Variants in ARHGAP39 observed in about 807,000 individuals in gnomAD.
ARHGAP39 encodes the protein rho GTPase-activating protein 39.
ARHGAP39 carries 44 observed loss-of-function variants against 106.9 expected under a neutral mutation model. That is an observed-to-expected ratio of 0.41 (90% CI 0.32 to 0.53). ARHGAP39 has a LOEUF of 0.53. Among genes scored for constraint, ARHGAP39 ranks in the 20% least tolerant of loss-of-function variants. The pLI, the probability that ARHGAP39 is intolerant of heterozygous loss-of-function variation, is 0.21. For synonymous variants in ARHGAP39, 768 were observed against 693.2 expected, an observed-to-expected ratio of 1.11 and a Z score of -1.69; for missense variants, 1,496 against 1,577.3, an observed-to-expected ratio of 0.95 and a Z score of 0.87.
intron 3 of ARHGAP39, among the ~76,000 whole-genome samples, chr8:144,561,802 CA>C (rs1818178795): frequency 7.5e-6 from 1 of 133,374 alleles, no homozygotes; most frequent in African/African-American, 3.4e-5. Flanking sequence ...CATCGGACCC[CA>C]GTGCTTTCCA....
intron 2 of ARHGAP39, among the ~76,000 whole-genome samples, chr8:144,602,704 GGA>G (rs761088920): frequency 2.9e-5 from 4 of 139,314 alleles, no homozygotes; most frequent in African/African-American, 5.7e-5. Flanking sequence ...GCATGTGCGT[GGA>G]GTTGTGTGCG....
intron 2 of ARHGAP39, among the ~76,000 whole-genome samples, chr8:144,603,615 G>C (rs545986632): frequency 6.6e-6 from 1 of 151,454 alleles, no homozygotes; most frequent in African/African-American, 2.4e-5. Flanking sequence ...GCTTCAACCC[G>C]GGAGGCGGAG....
Position 144,533,072 on chromosome 8 carries a change from T to C in ARHGAP39, c.2888+54A>G, listed in dbSNP as rs368097308. ...ATGGCCCCTGCATGCCACAGATGCA[T>C]GGTGGACACATGGCTGTGGCCCCCA... is the stretch of plus-strand genomic sequence containing the variant. On this transcript the variant is annotated intron_variant, in intron 9 of 11. Coordinates refer to ENST00000377307, the MANE Select transcript of ARHGAP39 (RefSeq NM_025251.3). 33 of 1,568,644 alleles carry C rather than the reference T, an allele frequency of 2.1e-5. No homozygotes were observed. In the East Asian group the frequency reaches 6.5e-4, roughly 31 times the overall value.
intron 4 of ARHGAP39, among the ~76,000 whole-genome samples, chr8:144,549,298 C>A (rs1817607142): frequency 6.6e-6 from 1 of 152,264 alleles, no homozygotes; most frequent in Admixed American, 6.5e-5. Context: ...CAGGACGCTG[C>A]CAGGGAGAGA....
At chr8:144,606,820 AT>A (rs1820309802) in intron 1 of ARHGAP39, among the ~76,000 whole-genome samples, 1 of 152,196 alleles carries the variant, frequency 6.6e-6, no homozygotes, top group South Asian at 2.1e-4. Context: ...GTAGGTCTAA[AT>A]GTTAAAAGTA....
chr8:144,611,238 A>G (rs1387389384), intron 1 of ARHGAP39, among the ~76,000 whole-genome samples: 1 of 152,242 alleles, frequency 6.6e-6, no homozygotes, highest in Non-Finnish European at 1.5e-5. Context: ...CTCAGAGAAC[A>G]TAATTTATAT....
intron 2 of ARHGAP39, among the ~76,000 whole-genome samples, chr8:144,584,707 C>T (rs1819117677): frequency 6.6e-6 from 1 of 152,154 alleles, no homozygotes. Flanking sequence ...AGGTTGCAGG[C>T]AGCTGAGATC....
chr8:144,580,880 C>G lies in ARHGAP39; in HGVS notation c.478G>C (p.Ala160Pro). Residue 160 changes from alanine (A) to proline (P), a missense_variant, in exon 3 of 12, where the codon GCG (alanine) becomes CCG (proline). Ala to Pro is a conservative substitution (Grantham distance 27). Coordinates refer to ENST00000377307, the MANE Select transcript of ARHGAP39 (RefSeq NM_025251.3). ...QELPARAGRP[A>P]AFGTVKEDSG... ...TCCTCCTTCACTGTCCCAAACGCCG[C>G]GGGCCGCCCGGCCCTCGCTGGCAAC... 1 of 1,585,400 alleles carries G rather than the reference C, an allele frequency of 6.3e-7. No homozygotes were observed. Among genetic ancestry groups the G allele is most frequent in the Non-Finnish European group, 8.5e-7 (1 of 1,171,686 alleles).
chr8:144,585,442 C>A lies in ARHGAP39; in HGVS notation c.81-4165G>T, dbSNP rs1819146011. ...CCAGGGGTACCCAGCACCGGCTCAC[C>A]GAGAACCTGGAGGGGCCAGCCAAGG... On this transcript the variant is annotated intron_variant, in intron 2 of 11. Transcript: ENST00000377307. The surrounding 1 kb of genome is among the most constrained non-coding windows in gnomAD (Gnocchi z 4.6). Among the ~76,000 whole-genome samples, 1 of 151,458 alleles carries A rather than the reference C, an allele frequency of 6.6e-6. No homozygotes were observed. Among genetic ancestry groups the A allele is most frequent in the African/African-American group, 2.4e-5 (1 of 41,214 alleles).
intron 1 of ARHGAP39, among the ~76,000 whole-genome samples, chr8:144,639,136 G>C (rs1331411868): frequency 2.6e-5 from 4 of 152,092 alleles, no homozygotes; most frequent in Non-Finnish European, 4.4e-5. Flanking sequence ...AGACCAGTCT[G>C]ACCAACATGG....
intron 6 of ARHGAP39, among the ~76,000 whole-genome samples, chr8:144,542,660 CG>C: frequency 7.3e-6 from 1 of 136,248 alleles, no homozygotes; most frequent in East Asian, 2.5e-4. Context: ...GAGTCTTGGC[CG>C]GGCACAATGG....
chr8:144,590,059 C>A (rs920315719), intron 2 of ARHGAP39, among the ~76,000 whole-genome samples: 13 of 152,252 alleles, frequency 8.5e-5, no homozygotes, highest in Non-Finnish European at 1.5e-4. Flanking sequence ...CGCCTGTCAT[C>A]CTGCAGAACA....
chr8:144,566,605 C>T (rs373309348), intron 3 of ARHGAP39, among the ~76,000 whole-genome samples: 18 of 152,110 alleles, frequency 1.2e-4, no homozygotes, highest in South Asian at 1.0e-3. Context: ...CCTGTAATCC[C>T]GGCACTTTGG....
At chr8:144,601,399 C>T (rs1819930347) in intron 2 of ARHGAP39, among the ~76,000 whole-genome samples, 1 of 123,022 alleles carries the variant, frequency 8.1e-6, no homozygotes, top group Admixed American at 8.8e-5. Context: ...CGTGTGTGCT[C>T]GTCTACCTGC....
chr8:144,607,745 C>T (rs1287031577), intron 1 of ARHGAP39, among the ~76,000 whole-genome samples: 1 of 152,268 alleles, frequency 6.6e-6, no homozygotes, highest in African/African-American at 2.4e-5. Flanking sequence ...CCTACCTACA[C>T]TCACGCCGCT....
chr8:144,539,318 C>T (rs575561289), intron 6 of ARHGAP39, among the ~76,000 whole-genome samples: 10 of 152,282 alleles, frequency 6.6e-5, no homozygotes, highest in East Asian at 1.9e-4. Context: ...CCACTACCGC[C>T]GACAGTCGCC....
intron 1 of ARHGAP39, among the ~76,000 whole-genome samples, chr8:144,633,218 G>A (rs1821107157): frequency 6.6e-6 from 1 of 152,158 alleles, no homozygotes; most frequent in Admixed American, 6.5e-5. Flanking sequence ...CAGCACTTCG[G>A]GAAGCCGAGG....
At chr8:144,575,318 T>C (rs542010886) in intron 3 of ARHGAP39, among the ~76,000 whole-genome samples, 7 of 152,230 alleles carry the variant, frequency 4.6e-5, no homozygotes, top group Non-Finnish European at 1.0e-4. Context: ...TAGTTTACTG[T>C]AACTTTTTTA....
At chr8:144,568,305 G>A (rs1818473050) in intron 3 of ARHGAP39, among the ~76,000 whole-genome samples, 1 of 119,738 alleles carries the variant, frequency 8.4e-6, no homozygotes, top group Admixed American at 1.1e-4. Flanking sequence ...CTGCACTCCA[G>A]CCTGGGTGAC....
Sources: gnomAD v4.1 joint callset for allele counts (sites outside exome capture counted in the v4.1 genomes callset) on GRCh38, gnomAD v4.1.1 for gene constraint, Gnocchi (gnomAD v3.1) non-coding constraint, MANE v1.5 for transcripts, NCBI Gene and HGNC (gene_info 2026-07-23, HGNC 2026-07-21) for gene names.